USP10: variants seen among roughly 807,000 people sequenced by gnomAD.
The protein encoded by USP10 is ubiquitin carboxyl-terminal hydrolase 10.
In USP10, 22 loss-of-function variants were observed where a neutral mutation model predicts 84.5. That is an observed-to-expected ratio of 0.26 (90% CI 0.19 to 0.37). The LOEUF (loss-of-function observed/expected upper bound fraction) is 0.37. Among genes scored for constraint, USP10 ranks in the 10% least tolerant of loss-of-function variants. The pLI is 1.00. For synonymous variants in USP10, 454 were observed against 387.6 expected (o/e 1.17, Z -2.01); for missense variants, 1,019 against 998.9 (o/e 1.02, Z -0.27).
At chr16:84,757,443 GTGTT>G (rs1555546488) in intron 4 of USP10, among the ~76,000 whole-genome samples, 1 of 145,798 alleles carries the variant, frequency 6.9e-6, no homozygotes, top group Non-Finnish European at 1.5e-5. Flanking sequence ...GTGTGTGTGT[GTGTT>G]TTGAATTTTG....
intron 13 of USP10, among the ~76,000 whole-genome samples, chr16:84,778,091 CTGTG>C (rs113716260): frequency 1.6e-4 from 23 of 143,528 alleles, no homozygotes; most frequent in South Asian, 4.4e-4. Context: ...AAGTAAATAA[CTGTG>C]TGTGTGTGTG....
chr16:84,757,025 TCA>T (rs1462542450), intron 4 of USP10, among the ~76,000 whole-genome samples: 2 of 152,220 alleles, frequency 1.3e-5, no homozygotes, highest in African/African-American at 4.8e-5. Flanking sequence ...TTATGTGACC[TCA>T]GTTTTCTCAT....
At chr16:84,769,338 A>T (rs1208411449) in intron 11 of USP10, among the ~76,000 whole-genome samples, 1 of 152,130 alleles carries the variant, frequency 6.6e-6, no homozygotes, top group Non-Finnish European at 1.5e-5. Context: ...CCTGCTGTGG[A>T]CTGGTTCACC....
intron 4 of USP10, among the ~76,000 whole-genome samples, chr16:84,757,196 TATTC>T (rs1035024656): frequency 1.6e-4 from 24 of 152,320 alleles, no homozygotes; most frequent in African/African-American, 5.3e-4. Flanking sequence ...ACTGATCCAT[TATTC>T]ATTTATTTCA....
intron 12 of USP10, among the ~76,000 whole-genome samples, chr16:84,774,619 T>C (rs922607684): frequency 8.5e-5 from 13 of 152,126 alleles, no homozygotes; most frequent in East Asian, 3.9e-4. Flanking sequence ...TACAGCCGCG[T>C]GCCACCACGC....
intron 1 of USP10, among the ~76,000 whole-genome samples, chr16:84,701,590 C>G (rs1038442342): frequency 6.6e-6 from 1 of 152,076 alleles, no homozygotes; most frequent in African/African-American, 2.4e-5. Context: ...TGTAATATTC[C>G]TTGTGATTTT....
intron 11 of USP10, among the ~76,000 whole-genome samples, chr16:84,771,219 G>A (rs1265921717): frequency 1.3e-5 from 2 of 152,166 alleles, no homozygotes; most frequent in Non-Finnish European, 2.9e-5. Flanking sequence ...AAGTACTTCA[G>A]GAACAGATTA....
chr16:84,747,033 C>T (rs1029737984), intron 4 of USP10, among the ~76,000 whole-genome samples: 1 of 152,192 alleles, frequency 6.6e-6, no homozygotes, highest in Admixed American at 6.5e-5. Flanking sequence ...AGCATCAAGA[C>T]GCCACTAGGC....
intron 2 of USP10, among the ~76,000 whole-genome samples, chr16:84,733,967 C>A (rs773918313): frequency 3.3e-5 from 5 of 152,160 alleles, no homozygotes; most frequent in Non-Finnish European, 7.4e-5. Flanking sequence ...TGTCCTTGTT[C>A]TTTGATTTCC....
At chr16:84,700,534 C>A (rs1195796434) in intron 1 of USP10, among the ~76,000 whole-genome samples, 1 of 152,122 alleles carries the variant, frequency 6.6e-6, no homozygotes, top group Admixed American at 6.5e-5. Flanking sequence ...CTGCCTCTGC[C>A]TGGAGCGAGC....
intron 9 of USP10, among the ~76,000 whole-genome samples, chr16:84,763,784 G>T (rs939944448): frequency 1.3e-5 from 2 of 151,374 alleles, no homozygotes; most frequent in Non-Finnish European, 2.9e-5. Context: ...ATCCAGTGAC[G>T]TTGCACCTGT....
intron 4 of USP10, among the ~76,000 whole-genome samples, chr16:84,746,575 A>G (rs1276563011): frequency 2.6e-5 from 4 of 152,170 alleles, no homozygotes; most frequent in Admixed American, 6.5e-5. Context: ...TATAGTACAG[A>G]TATGGTATAA....
intron 4 of USP10, among the ~76,000 whole-genome samples, chr16:84,751,336 C>G (rs554603274): frequency 6.6e-6 from 1 of 152,316 alleles, no homozygotes; most frequent in East Asian, 1.9e-4. Flanking sequence ...TAAAACTGAT[C>G]TTTATTTTGG....
At chr16:84,726,594 G>GC (rs1027431494) in intron 1 of USP10, among the ~76,000 whole-genome samples, 2 of 152,144 alleles carry the variant, frequency 1.3e-5, no homozygotes, top group Non-Finnish European at 2.9e-5. Context: ...GTGTGGGCTT[G>GC]CCCCCCTTTT....
rs1328353188 is a variant in USP10 at position 84,740,321 on chromosome 16, A to G, written c.103A>G (p.Ser35Gly). Reference protein sequence around the residue: ...PRSSVELPPYSGTVLCGTQAV... With the variant: ...PRSSVELPPYGGTVLCGTQAV... ...ATTCCTTGTGCAGCTTCCTCCATAC[A>G]GTGGAACAGTTCTGTGTGGCACACA... The change falls in exon 3 of 14, where the codon AGT becomes GGT. Residue 35 changes from serine (S) to glycine (G), a missense_variant. Around this residue, in one of 2 missense-constraint regions of USP10, gnomAD observed 787 missense variants for 708.8 expected, o/e 1.11. Coordinates refer to ENST00000219473, the MANE Select transcript of USP10 (RefSeq NM_005153.3). The G allele has an allele frequency of 1.2e-6, 2 of 1,612,430 alleles. No individual in the cohort carries two copies. Among genetic ancestry groups the G allele is most frequent in the East Asian group, 2.2e-5 (1 of 44,834 alleles).
At chr16:84,729,054 T>C (rs1175108374) in intron 1 of USP10, among the ~76,000 whole-genome samples, 2 of 152,152 alleles carry the variant, frequency 1.3e-5, no homozygotes, top group Non-Finnish European at 2.9e-5. Context: ...CGCCTCGGCT[T>C]CTGGAAGTGA....
chr16:84,702,206 A>T (rs1425656079), intron 1 of USP10, among the ~76,000 whole-genome samples: 1 of 150,914 alleles, frequency 6.6e-6, no homozygotes, highest in Admixed American at 6.6e-5. Context: ...ACAGGCGCCC[A>T]CCACCATGCC....
intron 11 of USP10, among the ~76,000 whole-genome samples, chr16:84,768,983 A>T (rs1306471933): frequency 6.6e-6 from 1 of 152,162 alleles, no homozygotes; most frequent in Non-Finnish European, 1.5e-5. Context: ...GTGAGAGCTT[A>T]TTAGTTCCTG....
At chr16:84,714,929 A>ATT (rs1168258839) in intron 1 of USP10, among the ~76,000 whole-genome samples, 3 of 148,394 alleles carry the variant, frequency 2.0e-5, no homozygotes, top group Non-Finnish European at 3.0e-5. Context: ...TATTATTATT[A>ATT]TTATTATTTT....
Sources: allele counts gnomAD v4.1 joint callset (sites outside exome capture counted in the v4.1 genomes callset), GRCh38; gene constraint gnomAD v4.1.1; regional missense constraint gnomAD v4.1.1; transcripts MANE v1.5; gene names NCBI Gene and HGNC (gene_info 2026-07-23, HGNC 2026-07-21).